NXPH2: variants seen among roughly 807,000 people sequenced by gnomAD.
NXPH2 encodes neurexophilin-2.
In NXPH2, 5 loss-of-function variants were observed where a neutral mutation model predicts 19.8. That is an observed-to-expected ratio of 0.25 (90% CI 0.13 to 0.53). The LOEUF is 0.53. Ranked by LOEUF, NXPH2 falls within the 20% of genes least tolerant of loss-of-function variation. NXPH2 has a pLI of 0.96. For synonymous variants in NXPH2, 154 were observed against 127.4 expected, an observed-to-expected ratio of 1.21 and a Z score of -1.41; for missense variants, 289 against 322.8, an observed-to-expected ratio of 0.90 and a Z score of 0.80.
chr2:138,763,920 C>A (rs574644826), intron 1 of NXPH2, among the ~76,000 whole-genome samples: 3 of 152,110 alleles, frequency 2.0e-5, no homozygotes, highest in African/African-American at 7.2e-5. Context: ...CTCAATAGTT[C>A]ATTCATTCAT....
chr2:138,693,790 A>ACAGCCTGCTC (rs2104977595), intron 1 of NXPH2, among the ~76,000 whole-genome samples: 1 of 152,238 alleles, frequency 6.6e-6, no homozygotes, highest in African/African-American at 2.4e-5. Flanking sequence ...CATCAACAGA[A>ACAGCCTGCTC]CAGCCTGCTC....
intron 1 of NXPH2, among the ~76,000 whole-genome samples, chr2:138,757,630 GAC>G (rs996603250): frequency 6.6e-6 from 1 of 152,068 alleles, no homozygotes; most frequent in Non-Finnish European, 1.5e-5. Context: ...TGCAGCATGA[GAC>G]ACAGAGAAAA....
intron 1 of NXPH2, among the ~76,000 whole-genome samples, chr2:138,730,578 C>T (rs912738044): frequency 1.3e-5 from 2 of 152,072 alleles, no homozygotes; most frequent in African/African-American, 2.4e-5. Flanking sequence ...TATGAGGCAG[C>T]CCAGGGCAGA....
chr2:138,700,418 A>G (rs1558916805), intron 1 of NXPH2, among the ~76,000 whole-genome samples: 2 of 152,200 alleles, frequency 1.3e-5, no homozygotes, highest in Non-Finnish European at 2.9e-5. Context: ...GATATTACTA[A>G]CAATTACTGC....
chr2:138,706,481 A>AT (rs1426819726), intron 1 of NXPH2, among the ~76,000 whole-genome samples: 13 of 152,334 alleles, frequency 8.5e-5, no homozygotes, highest in African/African-American at 3.1e-4. Flanking sequence ...CTATCCAATT[A>AT]TTTTGAATTT....
In NXPH2 at chr2:138,744,581, G is replaced by A. The variant is rs145025559; in HGVS notation, c.51+35610C>T. 1.4e-4 allele frequency among the ~76,000 whole-genome samples: 21 copies of A among 152,226 alleles called. 1 individual carries two copies. Among genetic ancestry groups the A allele is most frequent in the Non-Finnish European group, 2.2e-4 (15 of 68,024 alleles). ...CCAGCCTCCCTACAGTTACTGATGC[G>A]TTTAATCTGCTATTTAATCTACTAT... On this transcript the variant is annotated intron_variant, in intron 1 of 1. Coordinates refer to ENST00000272641, the MANE Select transcript of NXPH2 (RefSeq NM_007226.3).
At chr2:138,697,469 G>T (rs1680845636) in intron 1 of NXPH2, among the ~76,000 whole-genome samples, 1 of 151,832 alleles carries the variant, frequency 6.6e-6, no homozygotes. Context: ...AATTTATATG[G>T]GTACCCATTA....
chr2:138,673,690 G>C (rs1438797331), intron 1 of NXPH2, among the ~76,000 whole-genome samples: 2 of 150,956 alleles, frequency 1.3e-5, no homozygotes, highest in Admixed American at 1.3e-4. Context: ...TGATGCCCAG[G>C]TGGTCTCAAG....
chr2:138,744,753 G>T (rs1681699586), intron 1 of NXPH2, among the ~76,000 whole-genome samples: 1 of 152,102 alleles, frequency 6.6e-6, no homozygotes, highest in Non-Finnish European at 1.5e-5. Context: ...ACTGTGTGAT[G>T]AATAGAACTC....
intron 1 of NXPH2, among the ~76,000 whole-genome samples, chr2:138,769,696 A>G (rs541161716): frequency 6.6e-6 from 1 of 152,286 alleles, no homozygotes; most frequent in South Asian, 2.1e-4. Flanking sequence ...AACTGGCACC[A>G]AGGCAGCTAC....
At chr2:138,707,785 C>G (rs1383508580) in intron 1 of NXPH2, among the ~76,000 whole-genome samples, 1 of 151,982 alleles carries the variant, frequency 6.6e-6, no homozygotes, top group Non-Finnish European at 1.5e-5. Flanking sequence ...TAAAATTATC[C>G]CTTGTAACTT....
chr2:138,697,999 A>G (rs61484957), intron 1 of NXPH2, among the ~76,000 whole-genome samples: 4,445 of 152,214 alleles, frequency 0.029, 252 homozygotes, highest in African/African-American at 0.1. Context: ...AAAGCAATTT[A>G]TAATATGCAC....
intron 1 of NXPH2, among the ~76,000 whole-genome samples, chr2:138,764,943 A>G (rs1682069158): frequency 6.6e-6 from 1 of 152,240 alleles, no homozygotes; most frequent in African/African-American, 2.4e-5. Flanking sequence ...GAATGCAAGT[A>G]TTAACAAAAC....
At chr2:138,676,671 T>G (rs1026332863) in intron 1 of NXPH2, among the ~76,000 whole-genome samples, 25 of 152,220 alleles carry the variant, frequency 1.6e-4, no homozygotes, top group African/African-American at 5.8e-4. Context: ...TTACTGGGCC[T>G]ATTAAGGCAT....
At chr2:138,738,157 T>A (rs1681582447) in intron 1 of NXPH2, among the ~76,000 whole-genome samples, 1 of 151,414 alleles carries the variant, frequency 6.6e-6, no homozygotes, top group Non-Finnish European at 1.5e-5. Flanking sequence ...ATGAACACCT[T>A]CATTTTCATA....
At chr2:138,732,285 T>C (rs1286785617) in intron 1 of NXPH2, among the ~76,000 whole-genome samples, 1 of 152,156 alleles carries the variant, frequency 6.6e-6, no homozygotes, top group Non-Finnish European at 1.5e-5. Context: ...AACTGGCCTA[T>C]GGAAAGTCAT....
At chr2:138,673,867 C>T (rs924343727) in intron 1 of NXPH2, among the ~76,000 whole-genome samples, 1 of 152,040 alleles carries the variant, frequency 6.6e-6, no homozygotes, top group Non-Finnish European at 1.5e-5. Context: ...GCTTCCCAAC[C>T]TTTGGTACTA....
chr2:138,763,711 G>A (rs1682050814), intron 1 of NXPH2, among the ~76,000 whole-genome samples: 1 of 152,094 alleles, frequency 6.6e-6, no homozygotes, highest in South Asian at 2.1e-4. Flanking sequence ...TGACCATACT[G>A]TAAGGAAAGG....
intron 1 of NXPH2, among the ~76,000 whole-genome samples, chr2:138,767,783 C>T (rs1413357511): frequency 6.6e-6 from 1 of 152,126 alleles, no homozygotes; most frequent in African/African-American, 2.4e-5. Flanking sequence ...TCAGGCTATT[C>T]AACACTGTGT....
Sources: allele counts gnomAD v4.1 joint callset (sites outside exome capture counted in the v4.1 genomes callset), GRCh38; gene constraint gnomAD v4.1.1; transcripts MANE v1.5; gene names NCBI Gene and HGNC (gene_info 2026-07-23, HGNC 2026-07-21).